Variants in NKAIN3 observed in about 807,000 individuals in gnomAD.
NKAIN3 encodes sodium/potassium transporting ATPase interacting 3, also known as sodium/potassium-transporting ATPase subunit beta-1-interacting protein 3.
NKAIN3 carries 25 observed loss-of-function variants against 30.2 expected under a neutral mutation model. That is an observed-to-expected ratio of 0.83 (90% confidence interval 0.60 to 1.16). NKAIN3 has a LOEUF of 1.16. Ranked by LOEUF, NKAIN3 falls within the 50% of genes most tolerant of loss-of-function variation. The pLI, the probability that NKAIN3 is intolerant of heterozygous loss-of-function variation, is 0.00. For missense variants in NKAIN3, 225 were observed against 254.1 expected (o/e 0.89, Z 0.78); for synonymous variants, 91 against 89.6 (o/e 1.02, Z -0.09).
At chr8:62,429,947 C>CT (rs1204808358) in intron 1 of NKAIN3, among the ~76,000 whole-genome samples, 1 of 151,826 alleles carries the variant, frequency 6.6e-6, no homozygotes. Context: ...CTCCATAACT[C>CT]TTTCTATCTT....
chr8:62,909,880 C>T (rs1000570260), intron 4 of NKAIN3, among the ~76,000 whole-genome samples: 3 of 152,026 alleles, frequency 2.0e-5, no homozygotes, highest in Admixed American at 1.3e-4. Context: ...TTATTGTTTT[C>T]AGCTAATGGT....
chr8:62,368,265 G>C (rs1390957106), intron 1 of NKAIN3, among the ~76,000 whole-genome samples: 1 of 151,972 alleles, frequency 6.6e-6, no homozygotes, highest in East Asian at 1.9e-4. Flanking sequence ...AGACAAAAAA[G>C]AACAAAGCTT....
chr8:62,546,048 C>G (rs1395947404), intron 1 of NKAIN3, among the ~76,000 whole-genome samples: 1 of 152,114 alleles, frequency 6.6e-6, no homozygotes, highest in African/African-American at 2.4e-5. Context: ...GAGCATTTAT[C>G]CAAACACGAT....
chr8:62,345,570 T>TAC (rs1316097071), intron 1 of NKAIN3, among the ~76,000 whole-genome samples: 11 of 146,640 alleles, frequency 7.5e-5, no homozygotes, highest in Admixed American at 1.4e-4. Flanking sequence ...TACACATATA[T>TAC]ACACATATAT....
At chr8:62,708,019 A>G (rs930585265) in intron 3 of NKAIN3, among the ~76,000 whole-genome samples, 1 of 152,116 alleles carries the variant, frequency 6.6e-6, no homozygotes, top group Non-Finnish European at 1.5e-5. Context: ...TGTTTTGTCA[A>G]AGACCAGTTG....
chr8:62,298,475 G>A (rs1813920629), intron 1 of NKAIN3, among the ~76,000 whole-genome samples: 1 of 151,994 alleles, frequency 6.6e-6, no homozygotes, highest in African/African-American at 2.4e-5. Context: ...CAGTTAAGAT[G>A]GTAAGCCCCA....
intron 1 of NKAIN3, among the ~76,000 whole-genome samples, chr8:62,578,912 T>C (rs1810205880): frequency 1.3e-5 from 2 of 151,852 alleles, no homozygotes; most frequent in African/African-American, 2.4e-5. Context: ...GAGGAAAAGA[T>C]AAAATGAGGA....
intron 1 of NKAIN3, among the ~76,000 whole-genome samples, chr8:62,333,273 G>A (rs563322924): frequency 6.6e-6 from 1 of 152,154 alleles, no homozygotes; most frequent in African/African-American, 2.4e-5. Context: ...GACTCCAGAA[G>A]TTAAATGATT....
chr8:62,509,820 C>T (rs1301571364), intron 1 of NKAIN3, among the ~76,000 whole-genome samples: 1 of 152,116 alleles, frequency 6.6e-6, no homozygotes, highest in Non-Finnish European at 1.5e-5. Context: ...GTCACTCACT[C>T]CATGAAGACC....
intron 3 of NKAIN3, among the ~76,000 whole-genome samples, chr8:62,615,823 AC>A (rs1177609025): frequency 6.6e-6 from 1 of 152,148 alleles, no homozygotes; most frequent in East Asian, 1.9e-4. Flanking sequence ...TCTTAGCACC[AC>A]ACTGCTGCTG....
At chr8:62,802,291 A>G (rs887690745) in intron 4 of NKAIN3, among the ~76,000 whole-genome samples, 17 of 152,192 alleles carry the variant, frequency 1.1e-4, no homozygotes, top group African/African-American at 3.9e-4. Context: ...ACTCCTCGAG[A>G]AGAGCAACTC....
chr8:62,861,143 T>C (rs1820227047), intron 4 of NKAIN3, among the ~76,000 whole-genome samples: 1 of 152,210 alleles, frequency 6.6e-6, no homozygotes, highest in African/African-American at 2.4e-5. Flanking sequence ...CGGAGGGTTC[T>C]CAAGGCACAC....
intron 4 of NKAIN3, among the ~76,000 whole-genome samples, chr8:62,812,820 G>A (rs1380794662): frequency 1.3e-5 from 2 of 151,792 alleles, no homozygotes; most frequent in Non-Finnish European, 2.9e-5. Context: ...ACTGCCTCAT[G>A]TTATTGTTTC....
At chr8:62,392,409 A>C (rs1817608495) in intron 1 of NKAIN3, among the ~76,000 whole-genome samples, 1 of 152,052 alleles carries the variant, frequency 6.6e-6, no homozygotes, top group African/African-American at 2.4e-5. Flanking sequence ...AAGTTTACAA[A>C]CATAATTTAA....
At chr8:62,320,071 C>G (rs1814817644) in intron 1 of NKAIN3, among the ~76,000 whole-genome samples, 1 of 152,106 alleles carries the variant, frequency 6.6e-6, no homozygotes, top group Non-Finnish European at 1.5e-5. Flanking sequence ...GAATTGATCC[C>G]TTTACCATTA....
At chr8:62,913,734 C>T (rs530867146) in intron 4 of NKAIN3, among the ~76,000 whole-genome samples, 1 of 152,206 alleles carries the variant, frequency 6.6e-6, no homozygotes, top group African/African-American at 2.4e-5. Flanking sequence ...GACAGGTGTC[C>T]TCCTCTTAGT....
intron 1 of NKAIN3, among the ~76,000 whole-genome samples, chr8:62,430,337 A>T (rs1804952267): frequency 6.7e-6 from 1 of 149,254 alleles, no homozygotes. Context: ...ATTTATATAT[A>T]CTCTCTGAGA....
intron 4 of NKAIN3, among the ~76,000 whole-genome samples, chr8:62,883,194 A>G (rs948064325): frequency 1.5e-4 from 23 of 152,122 alleles, no homozygotes; most frequent in Middle Eastern, 3.2e-3. Context: ...ATCCACAAAC[A>G]TGAGGTGTGT....
chr8:62,998,043 A>T (rs191172664), intron 5 of NKAIN3, among the ~76,000 whole-genome samples: 1 of 152,066 alleles, frequency 6.6e-6, no homozygotes, highest in Non-Finnish European at 1.5e-5. Flanking sequence ...ATTTTTTCCA[A>T]TATATTTCAT....
Sources: allele counts gnomAD v4.1 joint callset (sites outside exome capture counted in the v4.1 genomes callset), GRCh38; gene constraint gnomAD v4.1.1; transcripts MANE v1.5; gene names NCBI Gene and HGNC (gene_info 2026-07-23, HGNC 2026-07-21).